The following FAM185A variants were observed in gnomAD, a reference collection of about 807,000 sequenced individuals.
FAM185A encodes protein FAM185A.
A neutral mutation model predicts 45.7 loss-of-function variants in FAM185A; 21 were observed. That is an observed-to-expected ratio of 0.46 (90% CI 0.33 to 0.66). The LOEUF (loss-of-function observed/expected upper bound fraction) is 0.66. Among genes scored for constraint, FAM185A ranks in the 30% least tolerant of loss-of-function variants. FAM185A has a pLI of 0.03. For synonymous variants in FAM185A, 117 were observed against 194.0 expected, an observed-to-expected ratio of 0.60 and a Z score of 3.30; for missense variants, 305 against 485.4, an observed-to-expected ratio of 0.63 and a Z score of 3.49.
At chr7:102,793,244 C>G (rs1028812232) in intron 7 of FAM185A, among the ~76,000 whole-genome samples, 12 of 152,182 alleles carry the variant, frequency 7.9e-5, no homozygotes, top group African/African-American at 2.6e-4. Context: ...CGGAGTCTCT[C>G]TCTATCACCC....
At chr7:102,848,602 A>AAAAAT in the FAM185A span, among the ~76,000 whole-genome samples, 1 of 139,950 alleles carries the variant, frequency 7.1e-6, no homozygotes, top group Non-Finnish European at 1.6e-5. Flanking sequence ...AAAAAAAAAA[A>AAAAAT]TACACATTCG....
intron 5 of FAM185A, among the ~76,000 whole-genome samples, chr7:102,776,423 G>A (rs565077706): frequency 6.6e-6 from 1 of 152,206 alleles, no homozygotes; most frequent in African/African-American, 2.4e-5. Flanking sequence ...TGATTCAAAA[G>A]TGGGGTCATT....
intron 7 of FAM185A, among the ~76,000 whole-genome samples, chr7:102,804,954 G>C (rs1797024074): frequency 6.6e-6 from 1 of 152,170 alleles, no homozygotes; most frequent in East Asian, 1.9e-4. Context: ...AATGATCAGG[G>C]AAATGCAAAT....
At chr7:102,824,690 T>C in the FAM185A span, among the ~76,000 whole-genome samples, 1 of 152,062 alleles carries the variant, frequency 6.6e-6, no homozygotes, top group Admixed American at 6.5e-5. Context: ...TTTACCATGT[T>C]GGTCAGGCTG....
At chr7:102,800,901 C>T (rs547969927) in intron 7 of FAM185A, among the ~76,000 whole-genome samples, 15 of 152,188 alleles carry the variant, frequency 9.9e-5, no homozygotes, top group African/African-American at 2.4e-4. Context: ...GGAAATGCAT[C>T]GCAAAAAGAT....
downstream of FAM185A, among the ~76,000 whole-genome samples, chr7:102,810,526 C>T (rs115251322): frequency 0.013 from 1,908 of 152,076 alleles, 47 homozygotes; most frequent in African/African-American, 0.044. Flanking sequence ...GCCACTGCAC[C>T]GGGCCAGGAG....
chr7:102,845,248 C>T, the FAM185A span, among the ~76,000 whole-genome samples: 1 of 152,130 alleles, frequency 6.6e-6, no homozygotes, highest in Non-Finnish European at 1.5e-5. Context: ...CACCAAGAGT[C>T]ACCTCATTAG....
chr7:102,771,012 G>A (rs1300044537), intron 4 of FAM185A, among the ~76,000 whole-genome samples: 1 of 152,176 alleles, frequency 6.6e-6, no homozygotes, highest in Non-Finnish European at 1.5e-5. Flanking sequence ...TATACACCAT[G>A]GAATACTATG....
the FAM185A span, among the ~76,000 whole-genome samples, chr7:102,815,938 TATAAG>T: frequency 1.3e-5 from 2 of 152,178 alleles, no homozygotes; most frequent in East Asian, 1.9e-4. Context: ...GACTCCTTAA[TATAAG>T]ATAAGGAAAA....
chr7:102,837,908 T>C, the FAM185A span, among the ~76,000 whole-genome samples: 1 of 152,238 alleles, frequency 6.6e-6, no homozygotes, highest in Admixed American at 6.5e-5. Context: ...GCATTGACTG[T>C]AACTTCTTGA....
chr7:102,822,181 A>T, the FAM185A span: 1 of 1,614,144 alleles, frequency 6.2e-7, no homozygotes, highest in Non-Finnish European at 8.5e-7. Flanking sequence ...TGCCGATAAC[A>T]TCTCCATTGC....
the FAM185A span, among the ~76,000 whole-genome samples, chr7:102,821,441 G>A: frequency 6.6e-6 from 1 of 152,292 alleles, no homozygotes; most frequent in African/African-American, 2.4e-5. Context: ...CAGGGCTCAT[G>A]GTTCAGCTCA....
intron 3 of FAM185A, 66 bp downstream of exon 3, chr7:102,758,012 T>C (rs1396432059): frequency 2.6e-5 from 40 of 1,542,668 alleles, no homozygotes; most frequent in African/African-American, 5.5e-5. Flanking sequence ...CTCACCAAGT[T>C]GGTAGGTTCT....
intron 7 of FAM185A, among the ~76,000 whole-genome samples, chr7:102,801,847 G>A (rs1472882364): frequency 1.3e-5 from 2 of 151,816 alleles, no homozygotes; most frequent in African/African-American, 4.8e-5. Flanking sequence ...GCTTGAACCC[G>A]GGAGGCAGAG....
chr7:102,761,453 A>G, intron 4 of FAM185A, 42 bp downstream of exon 4: 2 of 1,395,990 alleles, frequency 1.4e-6, no homozygotes, highest in South Asian at 1.7e-5. Flanking sequence ...CTTTCCACAT[A>G]GCATAAATTT....
At chr7:102,812,068 G>A (rs867000463), downstream of FAM185A, among the ~76,000 whole-genome samples, 2 of 152,152 alleles carry the variant, frequency 1.3e-5, no homozygotes, top group African/African-American at 2.4e-5. Flanking sequence ...TTAACTCCAC[G>A]TGAGAGATAA....
chr7:102,792,651 G>A (rs1796203997), intron 7 of FAM185A, among the ~76,000 whole-genome samples: 1 of 126,052 alleles, frequency 7.9e-6, no homozygotes, highest in Non-Finnish European at 1.6e-5. Context: ...TGCGTTGCCA[G>A]TGAACGGATT....
At chr7:102,750,091 C>T (rs1793272222) in intron 1 of FAM185A, among the ~76,000 whole-genome samples, 1 of 152,156 alleles carries the variant, frequency 6.6e-6, no homozygotes, top group Non-Finnish European at 1.5e-5. Flanking sequence ...CCGGGTATCA[C>T]CTGGTTTGAG....
chr7:102,839,240 T>C, the FAM185A span, among the ~76,000 whole-genome samples: 44 of 152,314 alleles, frequency 2.9e-4, 1 homozygote, highest in East Asian at 7.5e-3. Flanking sequence ...CAGATTCCTT[T>C]GCTCACATTT....
Sources: gnomAD v4.1 joint callset for allele counts (sites outside exome capture counted in the v4.1 genomes callset) on GRCh38, gnomAD v4.1.1 for gene constraint, MANE v1.5 for transcripts, NCBI Gene and HGNC (gene_info 2026-07-23, HGNC 2026-07-21) for gene names.